The following FAM171A1 variants were observed in gnomAD, a reference collection of about 807,000 sequenced individuals.
FAM171A1 encodes protein FAM171A1.
A neutral mutation model predicts 74.9 loss-of-function variants in FAM171A1; 23 were observed. The observed-to-expected ratio is 0.31, with a 90% CI of 0.22 to 0.44. The LOEUF is 0.44. Among genes scored for constraint, FAM171A1 ranks in the 20% least tolerant of loss-of-function variants. The pLI, the probability that FAM171A1 is intolerant of heterozygous loss-of-function variation, is 1.00. For missense variants in FAM171A1, 1,162 were observed against 1,159.2 expected (o/e 1.00, Z -0.03); for synonymous variants, 527 against 505.7 (o/e 1.04, Z -0.57).
At chr10:15,249,993 TA>T (rs2131760244) in intron 4 of FAM171A1, among the ~76,000 whole-genome samples, 1 of 152,366 alleles carries the variant, frequency 6.6e-6, no homozygotes, top group African/African-American at 2.4e-5. Context: ...TAGGACTTTT[TA>T]TTCAGCTACT....
chr10:15,242,332 GT>G (rs1258226857), intron 5 of FAM171A1, among the ~76,000 whole-genome samples: 1 of 152,100 alleles, frequency 6.6e-6, no homozygotes, highest in Non-Finnish European at 1.5e-5. Context: ...AAAACATATG[GT>G]TTCTTTGAAA....
At chr10:15,311,897 A>G (rs1272666232) in intron 1 of FAM171A1, among the ~76,000 whole-genome samples, 1 of 152,252 alleles carries the variant, frequency 6.6e-6, no homozygotes, top group Admixed American at 6.5e-5. Context: ...GTGCTAGTCC[A>G]AGGTGCCAGT....
intron 1 of FAM171A1, among the ~76,000 whole-genome samples, chr10:15,370,056 G>A (rs1235104279): frequency 6.6e-6 from 1 of 151,876 alleles, no homozygotes; most frequent in Non-Finnish European, 1.5e-5. Flanking sequence ...AATGTGCCAA[G>A]CAAGCCTCAG....
chr10:15,326,681 G>A (rs1835559108), intron 1 of FAM171A1, among the ~76,000 whole-genome samples: 1 of 151,988 alleles, frequency 6.6e-6, no homozygotes, highest in African/African-American at 2.4e-5. Context: ...AGGATGGAGT[G>A]CAGTGGCATG....
At chr10:15,367,818 G>A (rs774541499) in intron 1 of FAM171A1, among the ~76,000 whole-genome samples, 3 of 152,154 alleles carry the variant, frequency 2.0e-5, no homozygotes, top group African/African-American at 4.8e-5. Context: ...GATATCCAGC[G>A]ACAAAATAAA....
chr10:15,327,894 A>G (rs1339627252), intron 1 of FAM171A1, among the ~76,000 whole-genome samples: 2 of 151,628 alleles, frequency 1.3e-5, no homozygotes, highest in East Asian at 2.0e-4. Flanking sequence ...CAATTTACCC[A>G]TATCACAAAC....
chr10:15,317,716 C>G (rs1441385537), intron 1 of FAM171A1, among the ~76,000 whole-genome samples: 1 of 152,206 alleles, frequency 6.6e-6, no homozygotes, highest in East Asian at 1.9e-4. Flanking sequence ...TATACAGATA[C>G]ATCTGGCATC....
At chr10:15,327,957 G>C (rs1360011735) in intron 1 of FAM171A1, among the ~76,000 whole-genome samples, 2 of 143,422 alleles carry the variant, frequency 1.4e-5, no homozygotes, top group African/African-American at 5.2e-5. Context: ...AAAAAAATCA[G>C]AGATTACCTA....
chr10:15,335,633 T>C (rs1835691589), intron 1 of FAM171A1, among the ~76,000 whole-genome samples: 1 of 152,220 alleles, frequency 6.6e-6, no homozygotes, highest in Non-Finnish European at 1.5e-5. Flanking sequence ...CAAATAAAGA[T>C]GCTGAACTTG....
chr10:15,224,636 ATCTAATGGTT>A (rs1228257434), intron 5 of FAM171A1, among the ~76,000 whole-genome samples: 1 of 151,882 alleles, frequency 6.6e-6, no homozygotes, highest in East Asian at 1.9e-4. Context: ...GTCTCAGGAG[ATCTAATGGTT>A]TTATAAGGGG....
At chr10:15,345,943 G>T (rs1835813178) in intron 1 of FAM171A1, among the ~76,000 whole-genome samples, 1 of 152,160 alleles carries the variant, frequency 6.6e-6, no homozygotes, top group East Asian at 1.9e-4. Flanking sequence ...TGGAGAAACG[G>T]GTTACTGTGA....
At chr10:15,331,691 A>G (rs1835632865) in intron 1 of FAM171A1, among the ~76,000 whole-genome samples, 1 of 151,666 alleles carries the variant, frequency 6.6e-6, no homozygotes, top group Non-Finnish European at 1.5e-5. Context: ...CTGCACACCC[A>G]AAAGACAAAC....
At chr10:15,242,775 T>C (rs909866827) in intron 5 of FAM171A1, among the ~76,000 whole-genome samples, 1 of 151,872 alleles carries the variant, frequency 6.6e-6, no homozygotes, top group African/African-American at 2.4e-5. Context: ...TGGCTGACAG[T>C]GCAGGACTCC....
At chr10:15,253,954 A>C (rs1231945691) in intron 4 of FAM171A1, among the ~76,000 whole-genome samples, 1 of 152,086 alleles carries the variant, frequency 6.6e-6, no homozygotes, top group Non-Finnish European at 1.5e-5. Flanking sequence ...ATTATCACTT[A>C]TTTTCTGGTG....
intron 1 of FAM171A1, among the ~76,000 whole-genome samples, chr10:15,287,946 C>T (rs1835057903): frequency 6.6e-6 from 1 of 152,108 alleles, no homozygotes; most frequent in Non-Finnish European, 1.5e-5. Context: ...CCTCCAAATC[C>T]ACTGTATCAT....
chr10:15,276,787 T>C (rs1378880590), intron 2 of FAM171A1, among the ~76,000 whole-genome samples: 3 of 152,146 alleles, frequency 2.0e-5, no homozygotes, highest in Non-Finnish European at 1.5e-5. Flanking sequence ...CAGGCTCAAG[T>C]ATCCCTGCTG....
chr10:15,317,234 A>G (rs372542860), intron 1 of FAM171A1, among the ~76,000 whole-genome samples: 6 of 152,258 alleles, frequency 3.9e-5, no homozygotes, highest in African/African-American at 1.4e-4. Flanking sequence ...TCATGACGGG[A>G]GAGAGACAGG....
chr10:15,330,145 C>T (rs574340556), intron 1 of FAM171A1, among the ~76,000 whole-genome samples: 2 of 152,192 alleles, frequency 1.3e-5, no homozygotes, highest in South Asian at 2.1e-4. Flanking sequence ...AGTTCGAGAT[C>T]AGCCTGGCCT....
chr10:15,286,154 C>T (rs1835033079), intron 1 of FAM171A1, among the ~76,000 whole-genome samples: 1 of 152,168 alleles, frequency 6.6e-6, no homozygotes. Context: ...AATCATGATG[C>T]TTGTAAACAT....
Sources: gnomAD v4.1 joint callset for allele counts (sites outside exome capture counted in the v4.1 genomes callset) on GRCh38, gnomAD v4.1.1 for gene constraint, MANE v1.5 for transcripts, NCBI Gene and HGNC (gene_info 2026-07-23, HGNC 2026-07-21) for gene names.